The following CATSPERE variants were observed in gnomAD, a reference collection of about 807,000 sequenced individuals.
CATSPERE encodes cation channel sperm-associated auxiliary subunit epsilon.
Under a neutral mutation model 114.1 loss-of-function variants are expected in CATSPERE, and 93 were observed. That is an observed-to-expected ratio of 0.81 (90% CI 0.69 to 0.97). The LOEUF (loss-of-function observed/expected upper bound fraction) is 0.97. Ranked by LOEUF, CATSPERE falls within the 50% of genes least tolerant of loss-of-function variation. CATSPERE has a pLI of 0.00. For synonymous variants in CATSPERE, 341 were observed against 384.1 expected, an observed-to-expected ratio of 0.89 and a Z score of 1.31; for missense variants, 1,058 against 1,131.6, an observed-to-expected ratio of 0.93 and a Z score of 0.93.
Position 244,633,115 on chromosome 1 carries a change from A to G in CATSPERE, c.2649-2374A>G, listed in dbSNP as rs1043226245. On this transcript the variant is annotated intron_variant, in intron 20 of 21. Transcript: ENST00000366534. This position sits in a 1 kb window ranked among gnomAD's most constrained non-coding sequence, Gnocchi z 4.1. ...TACCTTTAAAACAGCTTCAAAATAC[A>G]TGAAACAAAAACGGATAGAACTAAA... Among the ~76,000 whole-genome samples the G allele has an allele frequency of 2.0e-4, 30 of 152,354 alleles. No homozygotes were observed. The highest frequency in any genetic ancestry group is 1.9e-3 in the Admixed American group (29 of 15,302).
intron 12 of CATSPERE, among the ~76,000 whole-genome samples, chr1:244,582,931 AT>A (rs1666419240): frequency 7.5e-4 from 1 of 1,334 alleles, no homozygotes; most frequent in African/African-American, 2.4e-3. Context: ...ATATATATAT[AT>A]ATATATATAT....
At chr1:244,461,191 C>A (rs1484718624), upstream of CATSPERE, among the ~76,000 whole-genome samples, 1 of 152,114 alleles carries the variant, frequency 6.6e-6, no homozygotes, top group Non-Finnish European at 1.5e-5. Context: ...TCTGCCTTTC[C>A]TAAAATCTCG....
chr1:244,560,408 T>TG (rs1050975641), intron 9 of CATSPERE, among the ~76,000 whole-genome samples: 3 of 11,210 alleles, frequency 2.7e-4, no homozygotes, highest in African/African-American at 4.0e-4. Flanking sequence ...TGGGCGGGGG[T>TG]GGGGGGGCAG....
chr1:244,463,385 C>G (rs770025511), intron 1 of CATSPERE, among the ~76,000 whole-genome samples: 38 of 151,846 alleles, frequency 2.5e-4, no homozygotes, highest in Non-Finnish European at 4.9e-4. Context: ...CTAAAAAATA[C>G]AAAAATTAGC....
In CATSPERE at chr1:244,581,809, A is replaced by G. The variant is rs753695488; in HGVS notation, c.1964A>G (p.Tyr655Cys). The G allele has an allele frequency of 1.5e-6, 2 of 1,335,388 alleles. No individual in the cohort carries two copies. Among genetic ancestry groups the G allele is most frequent in the East Asian group, 2.5e-5 (1 of 40,732 alleles). The allele number at this position is 1,335,388 out of a possible 1,614,324, so 82.7% of individuals were successfully genotyped here. A position where few individuals can be genotyped will look rare whatever the true frequency, so the allele number is the denominator to read the frequency against. Residue 655 changes from tyrosine (Y) to cysteine (C), a missense_variant, in exon 12 of 22, where the codon TAT (tyrosine) becomes TGT (cysteine). By Grantham distance (194) the Tyr-to-Cys change is radical. Transcript: ENST00000366534. ...TTCTTTTTTCAGACACTAACATTTTATCAGAATGTAGATTATGAGAGAATA... is the reference window on the plus strand; with the variant it reads ...TTCTTTTTTCAGACACTAACATTTTGTCAGAATGTAGATTATGAGAGAATA... ...YCTKTLTLTF[Y>C]QNVDYERISD...
intron 6 of CATSPERE, among the ~76,000 whole-genome samples, chr1:244,498,228 A>G (rs1572413977): frequency 6.6e-6 from 1 of 152,362 alleles, no homozygotes; most frequent in East Asian, 1.9e-4. Context: ...ATAACTTTAG[A>G]TGATGAACAG....
intron 7 of CATSPERE, among the ~76,000 whole-genome samples, chr1:244,509,222 C>T (rs965377293): frequency 5.9e-5 from 9 of 151,680 alleles, no homozygotes; most frequent in Non-Finnish European, 1.0e-4. Context: ...TGATATATGG[C>T]TTTTATTATG....
chr1:244,528,785 C>CCACGCACGCACACACACA (rs1553342506), intron 8 of CATSPERE, among the ~76,000 whole-genome samples: 4 of 130,584 alleles, frequency 3.1e-5, no homozygotes, highest in African/African-American at 1.2e-4. Flanking sequence ...CAATCCCCCA[C>CCACGCACGCACACACACA]CACACACACA....
rs1667953149 is a variant in CATSPERE at position 244,468,374 on chromosome 1, G to A, written c.114+4418G>A. ...CCCAAAGTGCTGGGATTACAGGCGT[G>A]AACCACCACACCCAGCCTTATTGGT... On this transcript the variant is annotated intron_variant, in intron 2 of 21. Transcript: ENST00000366534. 1.3e-5 allele frequency among the ~76,000 whole-genome samples: 2 copies of A among 152,060 alleles called. 1 individual carries two copies. The highest frequency in any genetic ancestry group is 4.1e-4 in the South Asian group (2 of 4,826).
At chr1:244,608,755 A>G (rs1009689092) in intron 18 of CATSPERE, among the ~76,000 whole-genome samples, 13 of 151,760 alleles carry the variant, frequency 8.6e-5, no homozygotes, top group African/African-American at 1.5e-4. Context: ...CCATAGTTCA[A>G]TTCTCTAGCA....
intron 9 of CATSPERE, among the ~76,000 whole-genome samples, chr1:244,553,954 C>G (rs1254976032): frequency 6.6e-6 from 1 of 152,128 alleles, no homozygotes; most frequent in Non-Finnish European, 1.5e-5. Context: ...GCTTATTTCA[C>G]TTTACAATAA....
chr1:244,606,258 C>T (rs897286096), intron 18 of CATSPERE, among the ~76,000 whole-genome samples: 1 of 152,150 alleles, frequency 6.6e-6, no homozygotes, highest in Admixed American at 6.5e-5. Flanking sequence ...CTCTTGGCCT[C>T]CTTGGTGAAT....
chr1:244,612,622 G>T (rs1670886659), intron 19 of CATSPERE, among the ~76,000 whole-genome samples: 2 of 152,122 alleles, frequency 1.3e-5, no homozygotes, highest in South Asian at 4.1e-4. Flanking sequence ...GGAAGTCCTG[G>T]GCTAAAAATT....
chr1:244,567,476 G>T (rs1663771889), intron 10 of CATSPERE, among the ~76,000 whole-genome samples: 1 of 151,924 alleles, frequency 6.6e-6, no homozygotes, highest in Non-Finnish European at 1.5e-5. Flanking sequence ...ATCACTTTCA[G>T]GTACACCAAT....
chr1:244,639,819 T>C (rs1165898097), intron 21 of CATSPERE, 109 bp from the exon 22 acceptor site: 4 of 996,882 alleles, frequency 4.0e-6, no homozygotes, highest in African/African-American at 1.7e-5. Flanking sequence ...TCACCTTTGC[T>C]CTCTGTCAAT....
At chr1:244,635,977 C>T (rs552782656) in intron 21 of CATSPERE, among the ~76,000 whole-genome samples, 6 of 152,190 alleles carry the variant, frequency 3.9e-5, no homozygotes, top group Admixed American at 1.3e-4. Context: ...GGTCCCCTTT[C>T]GTGCCATCCC....
At chr1:244,616,310 C>T (rs1671391477) in intron 19 of CATSPERE, among the ~76,000 whole-genome samples, 1 of 152,126 alleles carries the variant, frequency 6.6e-6, no homozygotes, top group South Asian at 2.1e-4. Context: ...TGAGACTGTG[C>T]AAGAGCTGAT....
At chr1:244,629,503 C>CTTTTTTT (rs369560104) in intron 20 of CATSPERE, among the ~76,000 whole-genome samples, 8 of 82,316 alleles carry the variant, frequency 9.7e-5, no homozygotes, top group East Asian at 3.4e-4. Context: ...TCTCTCTTAC[C>CTTTTTTT]TTTTTTTTTT....
chr1:244,635,519 A>G lies in CATSPERE; in HGVS notation c.2679A>G (p.Ile893Met). 6.2e-7 allele frequency: 1 copy of G among 1,613,084 alleles called. No homozygotes were observed. The change falls in exon 21 of 22, where the codon ATA becomes ATG. Residue 893 changes from isoleucine to methionine, a missense_variant. Ile to Met is a conservative substitution (Grantham distance 10). Coordinates refer to ENST00000366534, the MANE Select transcript of CATSPERE (RefSeq NM_001130957.2). ...SFCNLTAMFA[I>M]ETFGLIPSPS... The stretch of plus-strand genomic sequence containing the variant: ...GTAACCTAACAGCTATGTTTGCAAT[A>G]GAGACATTTGGACTGATTCCCAGGT...
Sources: allele counts gnomAD v4.1 joint callset (sites outside exome capture counted in the v4.1 genomes callset), GRCh38; gene constraint gnomAD v4.1.1; non-coding constraint Gnocchi (gnomAD v3.1); transcripts MANE v1.5; gene names NCBI Gene and HGNC (gene_info 2026-07-23, HGNC 2026-07-21).